The following PDE1C variants were observed in gnomAD, a reference collection of about 807,000 sequenced individuals.
PDE1C encodes phosphodiesterase 1C.
In PDE1C, 62 loss-of-function variants were observed where a neutral mutation model predicts 93.1. The observed-to-expected ratio is 0.67, with a 90% CI of 0.54 to 0.82. The LOEUF (loss-of-function observed/expected upper bound fraction) is 0.82, where lower values mean the gene tolerates loss of function less well. Among genes scored for constraint, PDE1C ranks in the 40% least tolerant of loss-of-function variants. The pLI, the probability that PDE1C is intolerant of heterozygous loss-of-function variation, is 0.00. For synonymous variants in PDE1C, 325 were observed against 310.1 expected (o/e 1.05, Z -0.50); for missense variants, 742 against 884.6 (o/e 0.84, Z 2.04).
chr7:31,761,223 A>G (rs1183668442), intron 17 of PDE1C, among the ~76,000 whole-genome samples: 1 of 152,204 alleles, frequency 6.6e-6, no homozygotes. Flanking sequence ...ATAATCTTGT[A>G]CCAAAATGCA....
At chr7:31,641,819 C>A in the PDE1C span, among the ~76,000 whole-genome samples, 1 of 152,114 alleles carries the variant, frequency 6.6e-6, no homozygotes, top group Non-Finnish European at 1.5e-5. Context: ...AAAATGTGGT[C>A]TTTCATTATT....
chr7:32,201,303 T>C (rs1268243002), intron 2 of PDE1C, among the ~76,000 whole-genome samples: 1 of 152,200 alleles, frequency 6.6e-6, no homozygotes, highest in East Asian at 1.9e-4. Flanking sequence ...GGAGTATATA[T>C]TGAGAGGATA....
At chr7:31,778,010 T>C (rs990565284) in intron 16 of PDE1C, among the ~76,000 whole-genome samples, 22 of 152,150 alleles carry the variant, frequency 1.4e-4, no homozygotes, top group African/African-American at 4.3e-4. Flanking sequence ...AGCTCCTTGA[T>C]TGGACCCTGA....
chr7:32,338,074 T>C (rs1783666160), intron 1 of PDE1C, among the ~76,000 whole-genome samples: 1 of 152,156 alleles, frequency 6.6e-6, no homozygotes, highest in South Asian at 2.1e-4. Flanking sequence ...ATTCCTTAGA[T>C]ATGACATCGA....
upstream of PDE1C, among the ~76,000 whole-genome samples, chr7:32,073,153 G>A (rs1796159900): frequency 1.3e-5 from 2 of 152,200 alleles, no homozygotes; most frequent in East Asian, 1.9e-4. Context: ...TCAGAGAAAA[G>A]CAAATTTTGG....
chr7:32,061,574 C>T (rs571684273), intron 1 of PDE1C, among the ~76,000 whole-genome samples: 156 of 152,366 alleles, frequency 1.0e-3, no homozygotes, highest in Admixed American at 4.8e-3. Flanking sequence ...AGGCTCCAGG[C>T]TTCAGGTCTC....
At chr7:31,852,722 C>T (rs756144583) in intron 7 of PDE1C, among the ~76,000 whole-genome samples, 32 of 152,256 alleles carry the variant, frequency 2.1e-4, no homozygotes, top group Non-Finnish European at 4.3e-4. Flanking sequence ...GCAGAATTCT[C>T]ACTCATAATC....
intron 2 of PDE1C, among the ~76,000 whole-genome samples, chr7:31,902,008 A>T (rs919522082): frequency 6.6e-6 from 1 of 150,906 alleles, no homozygotes; most frequent in African/African-American, 2.4e-5. Context: ...AACTCATACA[A>T]ATACTTAAAA....
chr7:31,683,483 TC>T, the PDE1C span, among the ~76,000 whole-genome samples: 1 of 152,146 alleles, frequency 6.6e-6, no homozygotes, highest in Non-Finnish European at 1.5e-5. Context: ...ATTAAAGAGT[TC>T]CCTATTATCA....
intron 1 of PDE1C, among the ~76,000 whole-genome samples, chr7:32,335,146 T>C (rs1157455192): frequency 6.6e-6 from 1 of 152,192 alleles, no homozygotes; most frequent in African/African-American, 2.4e-5. Context: ...TTTTAGGCCC[T>C]GAACAGTATT....
chr7:31,935,558 C>T (rs959912793), intron 2 of PDE1C, among the ~76,000 whole-genome samples: 14 of 152,244 alleles, frequency 9.2e-5, no homozygotes, highest in Non-Finnish European at 1.9e-4. Context: ...AGCGCACATT[C>T]ATTCAATTAT....
chr7:32,171,828 G>A (rs977421339), intron 2 of PDE1C, among the ~76,000 whole-genome samples: 12 of 148,144 alleles, frequency 8.1e-5, no homozygotes, highest in Admixed American at 4.8e-4. Context: ...AGCATATAAG[G>A]AAAGTCTGAA....
At chr7:32,396,411 G>A (rs532074169) in intron 1 of PDE1C, among the ~76,000 whole-genome samples, 46 of 152,066 alleles carry the variant, frequency 3.0e-4, no homozygotes, top group Non-Finnish European at 5.4e-4. Context: ...CCAGGAGGTC[G>A]AGGTGGCAGT....
At chr7:32,091,454 G>C (rs918669183) in intron 3 of PDE1C, among the ~76,000 whole-genome samples, 1 of 152,204 alleles carries the variant, frequency 6.6e-6, no homozygotes, top group East Asian at 1.9e-4. Flanking sequence ...ATATTCATCA[G>C]GGTGGTTAGA....
intron 1 of PDE1C, among the ~76,000 whole-genome samples, chr7:32,417,955 T>C (rs1042175350): frequency 2.6e-5 from 4 of 152,168 alleles, no homozygotes; most frequent in Admixed American, 2.6e-4. Context: ...AAAATGTACT[T>C]CTGGAAACTT....
intron 1 of PDE1C, among the ~76,000 whole-genome samples, chr7:32,402,844 A>T (rs1784975754): frequency 6.6e-6 from 1 of 152,210 alleles, no homozygotes; most frequent in Admixed American, 6.5e-5. Context: ...AAGATGCTGA[A>T]GGTGAATTGT....
intron 1 of PDE1C, among the ~76,000 whole-genome samples, chr7:32,218,911 C>T (rs1370535853): frequency 6.6e-6 from 1 of 152,200 alleles, no homozygotes; most frequent in African/African-American, 2.4e-5. Flanking sequence ...TGGGCTCCCT[C>T]CTCACAGAGC....
intron 15 of PDE1C, among the ~76,000 whole-genome samples, chr7:31,815,232 G>A (rs1034654371): frequency 7.2e-5 from 11 of 152,130 alleles, no homozygotes; most frequent in Admixed American, 5.2e-4. Context: ...GAAATATTTG[G>A]AGGATGTCTC....
chr7:31,643,607 C>T, the PDE1C span: 2 of 1,614,054 alleles, frequency 1.2e-6, no homozygotes, highest in Non-Finnish European at 1.7e-6. Context: ...GTTACCGCAA[C>T]AGAAACAAGA....
Sources: allele counts gnomAD v4.1 joint callset (sites outside exome capture counted in the v4.1 genomes callset), GRCh38; gene constraint gnomAD v4.1.1; transcripts MANE v1.5; gene names NCBI Gene and HGNC (gene_info 2026-07-23, HGNC 2026-07-21).